Variants in MNAT1 observed in about 807,000 individuals in gnomAD.
MNAT1 encodes MNAT1 component of CDK activating kinase, also known as CDK-activating kinase assembly factor MAT1.
Under a neutral mutation model 42.0 loss-of-function variants are expected in MNAT1, and 43 were observed. That is an observed-to-expected ratio of 1.02 (90% confidence interval 0.80 to 1.32). The LOEUF (loss-of-function observed/expected upper bound fraction) is 1.32. Ranked by LOEUF, MNAT1 falls within the 40% of genes most tolerant of loss-of-function variation. The pLI, the probability that MNAT1 is intolerant of heterozygous loss-of-function variation, is 0.00. For missense variants in MNAT1, 306 were observed against 350.4 expected (o/e 0.87, Z 1.01); for synonymous variants, 118 against 120.0 (o/e 0.98, Z 0.11).
chr14:60,763,485 T>A (rs2030693488), intron 1 of MNAT1, among the ~76,000 whole-genome samples: 1 of 152,176 alleles, frequency 6.6e-6, no homozygotes, highest in Non-Finnish European at 1.5e-5. Flanking sequence ...ATTAAGTGAC[T>A]TGTCTAATTT....
chr14:60,945,617 A>G (rs1485230205), intron 7 of MNAT1, among the ~76,000 whole-genome samples: 2 of 152,158 alleles, frequency 1.3e-5, no homozygotes, highest in Non-Finnish European at 2.9e-5. Context: ...TTACTGTTTT[A>G]ATTATATTAA....
At chr14:60,759,969 G>A (rs79108430) in intron 1 of MNAT1, among the ~76,000 whole-genome samples, 1,600 of 152,206 alleles carry the variant, frequency 0.011, 24 homozygotes, top group African/African-American at 0.036. Flanking sequence ...ATGGAAGTAG[G>A]TCTTCTGATT....
At chr14:60,780,187 A>C in intron 1 of MNAT1, 1 of 1,510,912 alleles carries the variant, frequency 6.6e-7, no homozygotes, top group Non-Finnish European at 9.2e-7. Flanking sequence ...ATGTGGTGGA[A>C]CAACTAAAAG....
chr14:60,919,241 A>G (rs1481667235), intron 7 of MNAT1: 1 of 152,370 alleles, frequency 6.6e-6, no homozygotes, highest in Non-Finnish European at 1.5e-5. Context: ...ACCTGGGCTC[A>G]GCTCAGATCA....
chr14:60,766,971 A>G (rs1411134699), intron 1 of MNAT1, among the ~76,000 whole-genome samples: 1 of 152,240 alleles, frequency 6.6e-6, no homozygotes, highest in East Asian at 1.9e-4. Flanking sequence ...GAGAAAATAT[A>G]AGGAAACAAT....
chr14:60,840,954 C>T (rs539774689), intron 6 of MNAT1, among the ~76,000 whole-genome samples: 115 of 152,240 alleles, frequency 7.6e-4, no homozygotes, highest in Non-Finnish European at 1.4e-3. Context: ...CATGAGCCAC[C>T]GCACTTGGCC....
At chr14:60,939,675 G>A (rs1050339852) in intron 7 of MNAT1, among the ~76,000 whole-genome samples, 4 of 152,186 alleles carry the variant, frequency 2.6e-5, no homozygotes, top group Non-Finnish European at 5.9e-5. Flanking sequence ...TTTGGAATAG[G>A]TGTGGTGTGG....
chr14:60,921,475 G>A (rs1418239446), intron 7 of MNAT1, among the ~76,000 whole-genome samples: 1 of 151,944 alleles, frequency 6.6e-6, no homozygotes, highest in Non-Finnish European at 1.5e-5. Context: ...TCTGTTCTTA[G>A]GAAATATAAA....
intron 7 of MNAT1, among the ~76,000 whole-genome samples, chr14:60,944,737 T>C (rs982180705): frequency 2.0e-5 from 3 of 152,162 alleles, no homozygotes; most frequent in African/African-American, 7.2e-5. Flanking sequence ...TTATAAAACT[T>C]CAAATTGTCA....
chr14:60,811,548 C>T (rs964901731), intron 4 of MNAT1, among the ~76,000 whole-genome samples: 80 of 152,018 alleles, frequency 5.3e-4, no homozygotes, highest in African/African-American at 1.6e-3. Flanking sequence ...GTGATCCACC[C>T]GCCGTGGCCT....
intron 6 of MNAT1, among the ~76,000 whole-genome samples, chr14:60,831,398 A>G (rs1041569023): frequency 4.6e-5 from 7 of 151,536 alleles, no homozygotes; most frequent in East Asian, 1.9e-4. Context: ...TCATTGTTCA[A>G]CTCCCACTTA....
chr14:60,968,568 C>G lies in MNAT1; in HGVS notation c.*219C>G. ...TACTTATATTTTTCAGAGGATTTGACACGATAAGCCTCATCTGATGGAAGA... is the reference window on the plus strand; with the variant it reads ...TACTTATATTTTTCAGAGGATTTGAGACGATAAGCCTCATCTGATGGAAGA... On this transcript the variant is annotated 3_prime_UTR_variant, in exon 8 of 8. Coordinates refer to ENST00000261245, the MANE Select transcript of MNAT1 (RefSeq NM_002431.4). The G allele has an allele frequency of 7.8e-7, 1 of 1,288,488 alleles. No homozygotes were observed. The highest frequency in any genetic ancestry group is 1.0e-6 in the Non-Finnish European group (1 of 961,948). 79.8% of individuals were successfully genotyped at this position (1,288,488 alleles called of 1,614,324 possible).
chr14:60,828,664 G>T (rs2139379603), intron 6 of MNAT1, among the ~76,000 whole-genome samples: 1 of 152,042 alleles, frequency 6.6e-6, no homozygotes, highest in African/African-American at 2.4e-5. Context: ...AACCCCACTG[G>T]GTAAGATCCC....
chr14:60,760,833 A>G (rs1490001710), intron 1 of MNAT1, among the ~76,000 whole-genome samples: 2 of 152,212 alleles, frequency 1.3e-5, no homozygotes, highest in Non-Finnish European at 2.9e-5. Context: ...TTCAAAGGCT[A>G]ATGGATTCCA....
intron 5 of MNAT1, among the ~76,000 whole-genome samples, chr14:60,812,365 G>A (rs2032579189): frequency 1.3e-5 from 2 of 152,164 alleles, no homozygotes; most frequent in African/African-American, 4.8e-5. Flanking sequence ...AATTTAAGTG[G>A]TTCTTTTGGG....
At chr14:60,907,250 T>C (rs1481185834) in intron 7 of MNAT1, among the ~76,000 whole-genome samples, 2 of 151,934 alleles carry the variant, frequency 1.3e-5, no homozygotes, top group African/African-American at 4.8e-5. Context: ...CTGGCCAACA[T>C]AGTGAAACCT....
intron 7 of MNAT1, among the ~76,000 whole-genome samples, chr14:60,951,389 G>T (rs2036382170): frequency 6.8e-6 from 1 of 148,074 alleles, no homozygotes; most frequent in Non-Finnish European, 1.5e-5. Context: ...GCTTCTTGCT[G>T]AAACATTTCC....
intron 1 of MNAT1, among the ~76,000 whole-genome samples, chr14:60,785,970 T>A (rs925637623): frequency 4.0e-4 from 61 of 152,164 alleles, no homozygotes; most frequent in African/African-American, 1.3e-3. Context: ...TTATATATAT[T>A]TTTTCATGGC....
At chr14:60,889,286 A>C (rs1223893609) in intron 7 of MNAT1, among the ~76,000 whole-genome samples, 1 of 152,196 alleles carries the variant, frequency 6.6e-6, no homozygotes, top group Non-Finnish European at 1.5e-5. Context: ...AGCCCTCAGA[A>C]ATAATGCTGC....
Sources: allele counts gnomAD v4.1 joint callset (sites outside exome capture counted in the v4.1 genomes callset), GRCh38; gene constraint gnomAD v4.1.1; transcripts MANE v1.5; gene names NCBI Gene and HGNC (gene_info 2026-07-23, HGNC 2026-07-21).